Variants in PPHLN1 observed in about 807,000 individuals in gnomAD.
PPHLN1 encodes periphilin 1, also known as periphilin-1.
In PPHLN1, 29 loss-of-function variants were observed where a neutral mutation model predicts 51.3. The ratio of observed to expected loss-of-function variants is 0.57; its 90% CI spans 0.42 to 0.77. The LOEUF is 0.77. PPHLN1 is among the 30% of genes least tolerant of loss of function. PPHLN1 has a pLI of 0.00. For missense variants in PPHLN1, 436 were observed against 438.4 expected (o/e 0.99, Z 0.05); for synonymous variants, 147 against 147.8 (o/e 0.99, Z 0.04).
rs1307375224 is a variant in PPHLN1 at position 42,375,056 on chromosome 12, C to T, written c.493C>T (p.His165Tyr). ...AGAAAGGAGCAAATCATACTCTTTC[C>T]ATCAGTCTCAACATAGAAGTATGTA... Reference protein sequence around the residue: ...SPERSKSYSFHQSQHRKSVRP... With the variant: ...SPERSKSYSFYQSQHRKSVRP... The change falls in exon 5 of 10, where the codon CAT becomes TAT. Residue 165 changes from histidine to tyrosine, a missense_variant. His to Tyr is a moderately conservative substitution (Grantham distance 83, BLOSUM62 2). Transcript: ENST00000358314. 1 of 1,609,808 alleles carries T rather than the reference C, an allele frequency of 6.2e-7. No homozygotes were observed. Among genetic ancestry groups the T allele is most frequent in the Non-Finnish European group, 8.5e-7 (1 of 1,176,754 alleles).
chr12:42,432,329 A>T, intron 9 of PPHLN1: 1 of 742,098 alleles, frequency 1.3e-6, no homozygotes. Context: ...ATTAATCTGT[A>T]GGCATTCCAT....
chr12:42,336,058 A>G, intron 2 of PPHLN1, 84 bp downstream of exon 2: 3 of 829,446 alleles, frequency 3.6e-6, no homozygotes, highest in Non-Finnish European at 5.3e-6. Flanking sequence ...TATTAACAAA[A>G]TCTTCAAGTG....
At chr12:42,377,935 A>G (rs1828497121) in intron 5 of PPHLN1, among the ~76,000 whole-genome samples, 1 of 152,140 alleles carries the variant, frequency 6.6e-6, no homozygotes, top group African/African-American at 2.4e-5. Context: ...CTGTCTTAGG[A>G]TCTCCAATAT....
intron 4 of PPHLN1, among the ~76,000 whole-genome samples, chr12:42,362,889 A>G (rs1172567602): frequency 6.6e-6 from 1 of 152,170 alleles, no homozygotes; most frequent in African/African-American, 2.4e-5. Context: ...GTTTGTAATG[A>G]GCAATCTTGA....
At chr12:42,413,314 G>A (rs917743819) in intron 9 of PPHLN1, among the ~76,000 whole-genome samples, 4 of 151,938 alleles carry the variant, frequency 2.6e-5, no homozygotes, top group Admixed American at 2.0e-4. Context: ...ATAGAGATCC[G>A]GTTTCATTCT....
At chr12:42,422,517 A>G (rs58984176) in intron 9 of PPHLN1, among the ~76,000 whole-genome samples, 24,763 of 152,218 alleles carry the variant, frequency 0.16, 2,065 homozygotes, top group Admixed American at 0.2. Context: ...AATGTTCAGC[A>G]CTGCTAAAAC....
At chr12:42,437,599 C>T (rs1476360930) in intron 9 of PPHLN1, among the ~76,000 whole-genome samples, 1 of 152,108 alleles carries the variant, frequency 6.6e-6, no homozygotes, top group African/African-American at 2.4e-5. Flanking sequence ...GCCCGTTCTC[C>T]CTACACAGTT....
At chr12:42,343,227 CTT>C (rs67275874) in intron 2 of PPHLN1, among the ~76,000 whole-genome samples, 41,630 of 151,948 alleles carry the variant, frequency 0.27, 7,207 homozygotes, top group Non-Finnish European at 0.38. Flanking sequence ...TCATGAAACA[CTT>C]TTATTCAAAA....
intron 2 of PPHLN1, among the ~76,000 whole-genome samples, chr12:42,349,776 G>C (rs1370939207): frequency 2.0e-5 from 3 of 152,086 alleles, no homozygotes; most frequent in Non-Finnish European, 4.4e-5. Flanking sequence ...TCTTAGTACA[G>C]AACAAAATGG....
intron 9 of PPHLN1, among the ~76,000 whole-genome samples, chr12:42,411,530 TTTAAGGAAAGGCAACA>T (rs1290637957): frequency 2.0e-5 from 3 of 152,124 alleles, no homozygotes; most frequent in African/African-American, 4.8e-5. Context: ...AAGAAACTGT[TTTAAGGAAAGGCAACA>T]TGGGGAGAAG....
chr12:42,352,140 G>C, intron 3 of PPHLN1, 91 bp downstream of exon 3: 7 of 1,170,150 alleles, frequency 6.0e-6, no homozygotes, highest in Non-Finnish European at 7.8e-6. Context: ...CGTGAAAGCA[G>C]TTGAATAAAC....
At chr12:42,387,393 A>G (rs749797765) in intron 6 of PPHLN1, 63 bp from the exon 7 acceptor site, 13 of 1,530,320 alleles carry the variant, frequency 8.5e-6, no homozygotes, top group Non-Finnish European at 8.8e-6. Flanking sequence ...TTCCATTACA[A>G]AATTACTTTA....
At chr12:42,446,116 G>C, downstream of PPHLN1, 1 of 1,559,568 alleles carries the variant, frequency 6.4e-7, no homozygotes, top group Non-Finnish European at 8.7e-7. Context: ...GGAAGAAACG[G>C]GTTCGTCGGA....
chr12:42,340,764 G>T (rs11181438), intron 2 of PPHLN1, among the ~76,000 whole-genome samples: 22,800 of 151,974 alleles, frequency 0.15, 1,748 homozygotes, highest in Admixed American at 0.2. Context: ...TTATCCATTT[G>T]TGATTTGTAC....
chr12:42,376,228 G>A lies in PPHLN1; in HGVS notation c.511+1154G>A, dbSNP rs568199332. On this transcript the variant is annotated intron_variant, in intron 5 of 9. Coordinates refer to ENST00000358314, the MANE Select transcript of PPHLN1 (RefSeq NM_201439.2). ...AAGTCCAGGATATTTCCTTTTCAAC[G>A]TCCTTCTCATTAACTGTCTTTTTTT... Among the ~76,000 whole-genome samples the A allele has an allele frequency of 1.5e-3, 229 of 152,220 alleles. 1 individual carries two copies. The highest frequency in any genetic ancestry group is 6.8e-4 in the Non-Finnish European group (46 of 68,008).
At chr12:42,350,329 C>T (rs1441789452) in intron 2 of PPHLN1, 144 of 136,210 alleles carry the variant, frequency 1.1e-3, no homozygotes, top group Non-Finnish European at 1.3e-3. Context: ...CCTAGACGGG[C>T]TGACCGCCAG....
At chr12:42,349,558 T>G (rs2072899325) in intron 2 of PPHLN1, among the ~76,000 whole-genome samples, 1 of 150,662 alleles carries the variant, frequency 6.6e-6, no homozygotes, top group Non-Finnish European at 1.5e-5. Flanking sequence ...CCTGCGGCCT[T>G]CCGCAGTGTT....
chr12:42,447,541 G>A (rs2083368931), downstream of PPHLN1: 1 of 152,146 alleles, frequency 6.6e-6, no homozygotes, highest in African/African-American at 2.4e-5. Context: ...CTCACTTCCT[G>A]GTCACTTCAG....
intron 1 of PPHLN1, among the ~76,000 whole-genome samples, chr12:42,331,261 A>G (rs986482673): frequency 1.6e-4 from 24 of 152,196 alleles, no homozygotes; most frequent in Non-Finnish European, 2.8e-4. Context: ...AGGGGAAGCT[A>G]TTTATCCTGA....
Sources: gnomAD v4.1 joint callset for allele counts (sites outside exome capture counted in the v4.1 genomes callset) on GRCh38, gnomAD v4.1.1 for gene constraint, MANE v1.5 for transcripts, NCBI Gene and HGNC (gene_info 2026-07-23, HGNC 2026-07-21) for gene names.